SLC43A2: variants seen among roughly 807,000 people sequenced by gnomAD.
SLC43A2 encodes the protein large neutral amino acids transporter small subunit 4.
In SLC43A2, 38 loss-of-function variants were observed where a neutral mutation model predicts 63.2. The ratio of observed to expected loss-of-function variants is 0.60; its 90% CI spans 0.46 to 0.79. The LOEUF is 0.79. Ranked by LOEUF, SLC43A2 falls within the 30% of genes least tolerant of loss-of-function variation. SLC43A2 has a pLI of 0.00. For synonymous variants in SLC43A2, 322 were observed against 331.0 expected (o/e 0.97, Z 0.30); for missense variants, 644 against 756.2 (o/e 0.85, Z 1.74).
intron 5 of SLC43A2, among the ~76,000 whole-genome samples, chr17:1,610,624 T>A (rs1907003836): frequency 6.7e-6 from 1 of 148,796 alleles, no homozygotes; most frequent in African/African-American, 2.5e-5. Flanking sequence ...ACACCTGGAA[T>A]CCCAGCACTT....
chr17:1,602,115 G>C (rs572406692), intron 5 of SLC43A2, among the ~76,000 whole-genome samples: 2 of 152,296 alleles, frequency 1.3e-5, no homozygotes, highest in East Asian at 3.9e-4. Context: ...AGGTGCGTGT[G>C]GGTCGACAAG....
At chr17:1,604,848 C>A (rs1257299200) in intron 5 of SLC43A2, 7 of 1,535,600 alleles carry the variant, frequency 4.6e-6, no homozygotes, top group African/African-American at 1.4e-5. Flanking sequence ...CTGGGTCACT[C>A]CCCACATTCC....
chr17:1,598,734 C>T (rs1905575776), intron 5 of SLC43A2, among the ~76,000 whole-genome samples: 1 of 152,170 alleles, frequency 6.6e-6, no homozygotes, highest in African/African-American at 2.4e-5. Flanking sequence ...CCTGCCTGGT[C>T]TTCTGGAGTC....
At chr17:1,625,848 C>T (rs1221362671) in intron 2 of SLC43A2, among the ~76,000 whole-genome samples, 1 of 152,096 alleles carries the variant, frequency 6.6e-6, no homozygotes, top group Non-Finnish European at 1.5e-5. Context: ...GTCAAGTCTG[C>T]CCAGGGCTTA....
At position 1,575,825 on chromosome 17, in the gene SLC43A2, C is replaced by T. The variant is rs1254605782; in HGVS notation, c.1549-60G>A. On this transcript the variant is annotated intron_variant, in intron 13 of 13. Coordinates refer to ENST00000301335, the MANE Select transcript of SLC43A2 (RefSeq NM_152346.3). ...TGGTGGTGCGCCGAGGCTGCAGACCCGCCCTCCACTCGGGTTTGGGAAAGG... is the reference window on the plus strand; with the variant it reads ...TGGTGGTGCGCCGAGGCTGCAGACCTGCCCTCCACTCGGGTTTGGGAAAGG... The T allele has an allele frequency of 9.8e-6, 15 of 1,526,512 alleles. No individual in the cohort carries two copies. In the African/African-American group the frequency reaches 1.1e-4, roughly 11 times the overall value. The allele number at this position is 1,526,512 out of a possible 1,614,324, so 94.6% of individuals were successfully genotyped here. A position where few individuals can be genotyped will look rare whatever the true frequency, so the allele number is the denominator to read the frequency against.
intron 5 of SLC43A2, among the ~76,000 whole-genome samples, chr17:1,611,559 C>T (rs56242463): frequency 6.6e-6 from 1 of 150,518 alleles, no homozygotes; most frequent in African/African-American, 2.5e-5. Context: ...TGCCTGAACC[C>T]GGGAGGCGGA....
intron 10 of SLC43A2, 36 bp downstream of exon 10, chr17:1,585,877 G>A (rs772487480): frequency 9.3e-6 from 15 of 1,612,794 alleles, no homozygotes; most frequent in East Asian, 2.2e-5. Context: ...CAGGGGCTGC[G>A]GGCTGGGAGC....
chr17:1,581,437 C>T (rs563955876), intron 11 of SLC43A2, among the ~76,000 whole-genome samples: 99 of 152,324 alleles, frequency 6.5e-4, no homozygotes, highest in Non-Finnish European at 1.2e-3. Flanking sequence ...CTGGGGCCGG[C>T]ACAAATGTTC....
intron 4 of SLC43A2, among the ~76,000 whole-genome samples, 183 bp downstream of exon 4, chr17:1,614,796 C>T (rs1379305196): frequency 6.6e-6 from 1 of 152,158 alleles, no homozygotes; most frequent in Non-Finnish European, 1.5e-5. Flanking sequence ...TCTGGGGTGG[C>T]TGCTCTCTGA....
rs376903970 is a variant in SLC43A2, at chr17:1,572,971, C to A, written c.*2633G>T. The A allele has an allele frequency of 2.0e-5, 3 of 151,970 alleles. No individual in the cohort carries two copies. Among genetic ancestry groups the A allele is most frequent in the South Asian group, 4.1e-4 (2 of 4,824 alleles). The allele number at this position is 151,970 out of a possible 1,614,324, so 9.4% of individuals were successfully genotyped here. A position where few individuals can be genotyped will look rare whatever the true frequency, so the allele number is the denominator to read the frequency against. On this transcript the variant is annotated 3_prime_UTR_variant, in exon 14 of 14. Coordinates refer to ENST00000301335, the MANE Select transcript of SLC43A2 (RefSeq NM_152346.3). Reference sequence around the variant, plus strand: ...GAGAATTGCTTCAGCCCAGGAGTTCCAGACCAGCCTGGGCAAAATAGCAAG... The same window carrying A: ...GAGAATTGCTTCAGCCCAGGAGTTCAAGACCAGCCTGGGCAAAATAGCAAG...
chr17:1,614,845 G>A (rs920399702), intron 4 of SLC43A2, 134 bp downstream of exon 4: 28 of 850,430 alleles, frequency 3.3e-5, no homozygotes, highest in Middle Eastern at 2.4e-4. Context: ...GAGTAGAGGC[G>A]TAACAGGTGT....
intron 6 of SLC43A2, 36 bp from the exon 7 acceptor site, chr17:1,591,735 G>GGGGGGTT: frequency 1.5e-6 from 1 of 652,928 alleles, no homozygotes; most frequent in South Asian, 1.9e-5. Context: ...GGGGGGGGGA[G>GGGGGGTT]GGGGCAGAGT....
intron 2 of SLC43A2, among the ~76,000 whole-genome samples, chr17:1,618,916 G>A (rs1907914414): frequency 6.6e-6 from 1 of 151,998 alleles, no homozygotes; most frequent in African/African-American, 2.4e-5. Context: ...CCCGGTAAAC[G>A]GAGGCTGCAG....
In SLC43A2 at chr17:1,581,202, C is replaced by CCA. The variant is rs376885169; in HGVS notation, c.1350+2000_1350+2001dup. Among the ~76,000 whole-genome samples, 60 of 148,474 alleles carry CCA rather than the reference C, an allele frequency of 4.0e-4. 1 individual carries two copies. Among genetic ancestry groups the CCA allele is most frequent in the East Asian group, 3.2e-3 (16 of 4,974 alleles). On this transcript the variant is annotated intron_variant, in intron 11 of 13. Coordinates refer to ENST00000301335, the MANE Select transcript of SLC43A2 (RefSeq NM_152346.3). Reference sequence around the variant, plus strand: ...GTTGAAAGAGGGCTGTGCCCAGTGCCCACACACACACACACACACGCACGC... The same window carrying CCA: ...GTTGAAAGAGGGCTGTGCCCAGTGCCCACACACACACACACACACACGCACGC...
chr17:1,586,930 C>CCCCCCCCCCCCCCCCCTCCCCCGG, intron 9 of SLC43A2: 1 of 783,192 alleles, frequency 1.3e-6, no homozygotes, highest in Non-Finnish European at 2.0e-6. Flanking sequence ...CCTGACAATC[C>CCCCCCCCCCCCCCCCCTCCCCCGG]CCCCCACCCC....
chr17:1,587,089 T>TGCGTTTCCCGCACC (rs376004533), intron 9 of SLC43A2: 102,842 of 1,008,914 alleles, frequency 0.1, 7,131 homozygotes, highest in Middle Eastern at 0.12. Context: ...TTTCCCACAC[T>TGCGTTTCCCGCACC]GCGTTTCCCG....
chr17:1,628,368 C>A (rs1908885838), intron 1 of SLC43A2: 1 of 153,086 alleles, frequency 6.5e-6, no homozygotes, highest in Non-Finnish European at 1.5e-5. Flanking sequence ...GCGCCCGAGA[C>A]CCTTCCCCAG....
chr17:1,580,030 A>G (rs1035294292), intron 11 of SLC43A2, among the ~76,000 whole-genome samples: 33 of 151,784 alleles, frequency 2.2e-4, no homozygotes, highest in Admixed American at 1.4e-3. Context: ...GGATTCAAGC[A>G]ATTCTCCTGC....
At position 1,591,007 on chromosome 17, in the gene SLC43A2, A is replaced by ACACGCAGATCCCTC. The variant is rs1904715620; in HGVS notation, c.932-73_932-60dup. ...GCACACTGTCCCCACCACCGGGGGGACACGCAGATCCCTCCACGCTGGAGG... is the reference window on the plus strand; with the variant it reads ...GCACACTGTCCCCACCACCGGGGGGACACGCAGATCCCTCCACGCAGATCCCTCCACGCTGGAGG... On this transcript the variant is annotated intron_variant, in intron 8 of 13. Transcript: ENST00000301335. 10 of 1,525,840 alleles carry ACACGCAGATCCCTC rather than the reference A, an allele frequency of 6.6e-6. No homozygotes were observed. In the South Asian group the frequency reaches 1.1e-4, roughly 17 times the overall value. The allele number at this position is 1,525,840 out of a possible 1,614,324, so 94.5% of individuals were successfully genotyped here.
Sources: gnomAD v4.1 joint callset for allele counts (sites outside exome capture counted in the v4.1 genomes callset) on GRCh38, gnomAD v4.1.1 for gene constraint, MANE v1.5 for transcripts, NCBI Gene and HGNC (gene_info 2026-07-23, HGNC 2026-07-21) for gene names.